FBXO21: variants seen among roughly 807,000 people sequenced by gnomAD.
FBXO21 encodes the protein F-box only protein 21.
Under a neutral mutation model 76.6 loss-of-function variants are expected in FBXO21, and 32 were observed. That is an observed-to-expected ratio of 0.42 (90% CI 0.32 to 0.56). FBXO21 has a LOEUF of 0.56. FBXO21 is among the 20% of genes least tolerant of loss of function. The pLI, the probability that FBXO21 is intolerant of heterozygous loss-of-function variation, is 0.16. For missense variants in FBXO21, 586 were observed against 797.3 expected (o/e 0.73, Z 3.19); for synonymous variants, 328 against 311.5 (o/e 1.05, Z -0.56).
Position 117,157,787 on chromosome 12 carries a change from GT to G in FBXO21, c.1517+85del, listed in dbSNP as rs1955933809. ...TGATCCAGTCAGCTCCTCCTCCACT[GT>G]GTCCTGGGGGCTCACCAGGTGCATG... On this transcript the variant is annotated intron_variant, in intron 10 of 11. Transcript: ENST00000622495. 2.2e-5 allele frequency: 27 copies of G among 1,202,656 alleles called. 1 individual carries two copies. The South Asian group carries it at 4.3e-4, about 19-fold the overall frequency. 74.5% of individuals were successfully genotyped at this position (1,202,656 alleles called of 1,614,324 possible).
chr12:117,166,420 G>A (rs1272526380), intron 8 of FBXO21, among the ~76,000 whole-genome samples: 1 of 152,150 alleles, frequency 6.6e-6, no homozygotes, highest in East Asian at 1.9e-4. Context: ...GACAGTGAGG[G>A]AGGCTGTGCA....
chr12:117,153,403 A>G (rs934006606), intron 11 of FBXO21, among the ~76,000 whole-genome samples: 2 of 152,208 alleles, frequency 1.3e-5, no homozygotes, highest in Non-Finnish European at 2.9e-5. Flanking sequence ...AATCGAGTTA[A>G]AACAATGGGT....
intron 4 of FBXO21, among the ~76,000 whole-genome samples, chr12:117,176,541 G>A (rs1285109550): frequency 6.6e-6 from 1 of 152,170 alleles, no homozygotes; most frequent in Non-Finnish European, 1.5e-5. Context: ...GGTTTCACAT[G>A]CAGTGGTGAA....
intron 5 of FBXO21, 146 bp from the exon 6 acceptor site, chr12:117,174,487 T>C (rs1956153780): frequency 8.4e-7 from 1 of 1,183,556 alleles, no homozygotes. Context: ...GCAGTATGTA[T>C]TTGAAGTGTT....
chr12:117,189,479 G>A, intron 1 of FBXO21, 117 bp from the exon 2 acceptor site: 3 of 1,047,636 alleles, frequency 2.9e-6, no homozygotes, highest in Non-Finnish European at 4.3e-6. Context: ...GAGGGACCCC[G>A]GCGAGAGACC....
chr12:117,190,330 A>C lies in FBXO21; in HGVS notation c.127T>G (p.Cys43Gly). 1 of 1,542,560 alleles carries C rather than the reference A, an allele frequency of 6.5e-7. No homozygotes were observed. The highest frequency in any genetic ancestry group is 8.7e-7 in the Non-Finnish European group (1 of 1,154,516). ...TCGGCGGCCGTCAGCGAGCCGCAGC[A>C]CAGGATGTACTCCAGCACCTCACCC... ...LPGEVLEYIL[C>G]CGSLTAADIG... The change falls in exon 1 of 12, where the codon TGC (cysteine) becomes GGC (glycine). Residue 43 changes from cysteine to glycine, a missense_variant. Around this residue, in one of 6 missense-constraint regions of FBXO21, gnomAD observed 152 missense variants for 127.2 expected, o/e 1.19. Transcript: ENST00000622495.
chr12:117,190,253 G>T lies in FBXO21; in HGVS notation c.204C>A (p.Ser68Arg). The change falls in exon 1 of 12, where the codon AGC becomes AGA. Residue 68 changes from serine (S) to arginine (R), a missense_variant. This residue lies in a region of FBXO21 where 152 missense variants were observed against 127.2 expected (regional missense o/e 1.19). Transcript: ENST00000622495. Reference protein sequence around the residue: ...TCRRLRELCQSSGKVWKEQFR... With the variant: ...TCRRLRELCQRSGKVWKEQFR... The stretch of plus-strand genomic sequence containing the variant: ...ACTGCTCCTTCCACACCTTCCCGCT[G>T]CTCTGGCACAGCTCGCGCAGCCGCC... 1 of 1,545,136 alleles carries T rather than the reference G, an allele frequency of 6.5e-7. No individual in the cohort carries two copies. Among genetic ancestry groups the T allele is most frequent in the Non-Finnish European group, 8.7e-7 (1 of 1,155,946 alleles).
intron 10 of FBXO21, 119 bp from the exon 11 acceptor site, chr12:117,156,067 T>C: frequency 2.3e-6 from 2 of 862,652 alleles, no homozygotes; most frequent in Non-Finnish European, 3.8e-6. Flanking sequence ...GGTGAATCAT[T>C]TTTCAGGACA....
intron 7 of FBXO21, among the ~76,000 whole-genome samples, chr12:117,172,083 ATTTTT>A (rs563512098): frequency 1.8e-3 from 269 of 152,316 alleles, no homozygotes; most frequent in African/African-American, 6.4e-3. Context: ...AAAAGAAATA[ATTTTT>A]TTAAGAACTC....
At chr12:117,149,448 T>C (rs1955814666) in intron 11 of FBXO21, among the ~76,000 whole-genome samples, 1 of 152,212 alleles carries the variant, frequency 6.6e-6, no homozygotes. Flanking sequence ...GTACACAGAA[T>C]TCAAGCAGGT....
rs1955723711 is a variant in FBXO21, at chr12:117,142,138, A to G, written c.*3949T>C. 6.6e-6 allele frequency: 1 copy of G among 152,216 alleles called. No individual in the cohort carries two copies. Among genetic ancestry groups the G allele is most frequent in the African/African-American group, 2.4e-5 (1 of 41,448 alleles). 9.4% of individuals were successfully genotyped at this position (152,216 alleles called of 1,614,324 possible). On this transcript the variant is annotated 3_prime_UTR_variant, in exon 12 of 12. Transcript: ENST00000622495. ...TTTCAAGATTCTAAATTTTTCAGAA[A>G]TGCAACATTCAAGGTTAAAGTCGCT...
intron 11 of FBXO21, among the ~76,000 whole-genome samples, chr12:117,151,686 C>T (rs928636339): frequency 1.4e-4 from 21 of 151,590 alleles, no homozygotes; most frequent in African/African-American, 5.1e-4. Context: ...GTGATTATAA[C>T]ACATTGAATA....
intron 9 of FBXO21, 75 bp downstream of exon 9, chr12:117,165,410 G>T: frequency 2.1e-6 from 3 of 1,402,790 alleles, no homozygotes; most frequent in South Asian, 1.4e-5. Context: ...ACAAAGATAA[G>T]CTTGTCACGG....
rs1955723793 is a variant in FBXO21 at position 117,142,144 on chromosome 12, C to T, written c.*3943G>A. On this transcript the variant is annotated 3_prime_UTR_variant, in exon 12 of 12. Coordinates refer to ENST00000622495, the MANE Select transcript of FBXO21 (RefSeq NM_015002.3). ...GATTCTAAATTTTTCAGAAATGCAACATTCAAGGTTAAAGTCGCTGCTAGA... is the reference window on the plus strand; with the variant it reads ...GATTCTAAATTTTTCAGAAATGCAATATTCAAGGTTAAAGTCGCTGCTAGA... 1 of 152,224 alleles carries T rather than the reference C, an allele frequency of 6.6e-6. No individual in the cohort carries two copies. The highest frequency in any genetic ancestry group is 6.5e-5 in the Admixed American group (1 of 15,276). 9.4% of individuals were successfully genotyped at this position (152,224 alleles called of 1,614,324 possible).
intron 11 of FBXO21, among the ~76,000 whole-genome samples, chr12:117,153,434 T>C (rs1223450559): frequency 1.3e-5 from 2 of 151,976 alleles, no homozygotes; most frequent in Non-Finnish European, 2.9e-5. Flanking sequence ...GGGGTAACAA[T>C]GTTGGAGAGA....
intron 8 of FBXO21, 116 bp from the exon 9 acceptor site, chr12:117,165,733 C>A: frequency 2.0e-6 from 2 of 1,002,108 alleles, no homozygotes; most frequent in Non-Finnish European, 2.8e-6. Context: ...TTTTCTGATT[C>A]TGGTATTTCT....
At chr12:117,173,996 A>T (rs1592889297) in intron 6 of FBXO21, among the ~76,000 whole-genome samples, 1 of 152,098 alleles carries the variant, frequency 6.6e-6, no homozygotes, top group South Asian at 2.1e-4. Flanking sequence ...ATAAAAAATT[A>T]GCCGGGTGTG....
At chr12:117,155,326 G>A (rs1955900047) in intron 11 of FBXO21, 1 of 160,192 alleles carries the variant, frequency 6.2e-6, no homozygotes, top group African/African-American at 2.4e-5. Flanking sequence ...CGGGCTCTCA[G>A]GTGCTCCCAG....
intron 3 of FBXO21, 76 bp from the exon 4 acceptor site, chr12:117,177,717 C>A: frequency 8.0e-7 from 1 of 1,243,046 alleles, no homozygotes. Context: ...ACTAACATAC[C>A]ATGTAGTTTG....
Sources: gnomAD v4.1 joint callset for allele counts (sites outside exome capture counted in the v4.1 genomes callset) on GRCh38, gnomAD v4.1.1 for gene constraint, gnomAD v4.1.1 regional missense constraint, MANE v1.5 for transcripts, NCBI Gene and HGNC (gene_info 2026-07-23, HGNC 2026-07-21) for gene names.